Variants in EXOC2 observed in about 807,000 individuals in gnomAD.
The protein encoded by EXOC2 is SEC5-like 1.
A neutral mutation model predicts 131.8 loss-of-function variants in EXOC2; 70 were observed. The ratio of observed to expected loss-of-function variants is 0.53; its 90% confidence interval spans 0.44 to 0.65. EXOC2 has a LOEUF of 0.65. Ranked by LOEUF, EXOC2 falls within the 30% of genes least tolerant of loss-of-function variation. The pLI is 0.00. For missense variants in EXOC2, 923 were observed against 1,108.6 expected, an observed-to-expected ratio of 0.83 and a Z score of 2.38; for synonymous variants, 411 against 398.4, an observed-to-expected ratio of 1.03 and a Z score of -0.38.
intron 6 of EXOC2, 116 bp downstream of exon 6, chr6:617,595 T>G: frequency 9.7e-6 from 13 of 1,336,898 alleles, no homozygotes; most frequent in South Asian, 1.8e-5. Flanking sequence ...ATAGCACATT[T>G]GAGATCTCTA....
intron 20 of EXOC2, among the ~76,000 whole-genome samples, chr6:554,283 G>A (rs1234843329): frequency 2.0e-5 from 3 of 152,060 alleles, no homozygotes; most frequent in East Asian, 1.9e-4. Flanking sequence ...CTCGTGATCC[G>A]CCTGCCTCGG....
chr6:643,352 A>G (rs1257566057), intron 1 of EXOC2, among the ~76,000 whole-genome samples: 1 of 146,252 alleles, frequency 6.8e-6, no homozygotes, highest in Non-Finnish European at 1.5e-5. Flanking sequence ...AGGCAATTCC[A>G]AAGACCGAAA....
intron 25 of EXOC2, among the ~76,000 whole-genome samples, chr6:494,507 G>C (rs1763607319): frequency 6.6e-6 from 1 of 151,498 alleles, no homozygotes; most frequent in East Asian, 1.9e-4. Context: ...TGTGGCATTT[G>C]ATGAGTTTTG....
At chr6:493,666 A>G (rs1190430458) in intron 25 of EXOC2, among the ~76,000 whole-genome samples, 1 of 152,204 alleles carries the variant, frequency 6.6e-6, no homozygotes, top group Non-Finnish European at 1.5e-5. Flanking sequence ...ATTGCCTATC[A>G]AAGGTTAACC....
At chr6:564,435 G>T in intron 15 of EXOC2, 110 bp downstream of exon 15, 1 of 1,448,238 alleles carries the variant, frequency 6.9e-7, no homozygotes, top group Non-Finnish European at 9.4e-7. Context: ...GAGGCAAAAG[G>T]ACAAAAAGAA....
At chr6:619,253 C>A (rs1315166289) in intron 5 of EXOC2, among the ~76,000 whole-genome samples, 177 bp downstream of exon 5, 2 of 152,176 alleles carry the variant, frequency 1.3e-5, no homozygotes, top group African/African-American at 4.8e-5. Context: ...TCCCATTGCA[C>A]AAACAGGGAA....
intron 4 of EXOC2, among the ~76,000 whole-genome samples, chr6:623,176 C>T (rs114564707): frequency 0.015 from 2,239 of 152,310 alleles, 37 homozygotes; most frequent in African/African-American, 0.039. Flanking sequence ...TGGGAGGACA[C>T]GGGTGGCAGA....
rs139087752 is a variant in EXOC2, at chr6:597,975, C to T, written c.1073+46G>A. On this transcript the variant is annotated intron_variant, in intron 10 of 27. Transcript: ENST00000230449. ...TAAGGGTTACAAGATGCATACAGTA[C>T]CAAACAGATACATGTGATTCAACAA... is the stretch of plus-strand genomic sequence containing the variant. 2.8e-6 allele frequency: 4 copies of T among 1,425,060 alleles called. No homozygotes were observed. In the South Asian group the frequency reaches 4.7e-5, roughly 17 times the overall value. The allele number at this position is 1,425,060 out of a possible 1,614,324, so 88.3% of individuals were successfully genotyped here. A position where few individuals can be genotyped will look rare whatever the true frequency, so the allele number is the denominator to read the frequency against.
chr6:608,565 T>G (rs1428248164), intron 7 of EXOC2, among the ~76,000 whole-genome samples: 1 of 152,120 alleles, frequency 6.6e-6, no homozygotes, highest in Non-Finnish European at 1.5e-5. Context: ...AAAAAAAAAT[T>G]CATGGTTATA....
chr6:584,887 A>G (rs1223301490), intron 11 of EXOC2, among the ~76,000 whole-genome samples: 1 of 152,228 alleles, frequency 6.6e-6, no homozygotes, highest in Non-Finnish European at 1.5e-5. Flanking sequence ...TAGCCAGCAT[A>G]TATTTTAACT....
chr6:570,556 C>T (rs846167), intron 13 of EXOC2, among the ~76,000 whole-genome samples: 133,115 of 152,250 alleles, frequency 0.87, 58,458 homozygotes, highest in Middle Eastern at 0.94. Context: ...GAACACCTAC[C>T]ATGTGCCAGG....
intron 1 of EXOC2, among the ~76,000 whole-genome samples, chr6:672,248 T>TA (rs1477819579): frequency 6.6e-6 from 1 of 152,230 alleles, no homozygotes; most frequent in African/African-American, 2.4e-5. Context: ...TCTCTTCTGT[T>TA]AGTGTTATTT....
chr6:532,714 CA>C, intron 22 of EXOC2, 104 bp from the exon 23 acceptor site: 3 of 1,126,212 alleles, frequency 2.7e-6, no homozygotes, highest in Non-Finnish European at 3.5e-6. Flanking sequence ...AAGCACTTCT[CA>C]ATTTTCCTAC....
intron 22 of EXOC2, among the ~76,000 whole-genome samples, chr6:546,563 T>C (rs1430741925): frequency 3.3e-5 from 5 of 152,168 alleles, no homozygotes; most frequent in Non-Finnish European, 4.4e-5. Flanking sequence ...TTCTTCTGCC[T>C]CCGCCACCCC....
intron 23 of EXOC2, 73 bp downstream of exon 23, chr6:532,391 AAAATG>A: frequency 7.5e-7 from 1 of 1,334,268 alleles, no homozygotes; most frequent in South Asian, 2.1e-5. Context: ...AAATGAGAAT[AAAATG>A]AAAAGAATTC....
chr6:556,437 C>A (rs545608414), intron 18 of EXOC2, 47 bp downstream of exon 18: 1 of 1,592,530 alleles, frequency 6.3e-7, no homozygotes, highest in East Asian at 2.2e-5. Context: ...CTATGATTCC[C>A]AAGGCTCCCT....
chr6:635,733 A>T (rs1762068521), intron 2 of EXOC2, among the ~76,000 whole-genome samples: 2 of 152,244 alleles, frequency 1.3e-5, no homozygotes, highest in Non-Finnish European at 2.9e-5. Flanking sequence ...GGCAATATAT[A>T]AGGCAGGTTG....
chr6:641,168 C>A (rs995395476), intron 1 of EXOC2, among the ~76,000 whole-genome samples: 5 of 151,998 alleles, frequency 3.3e-5, no homozygotes, highest in Admixed American at 2.0e-4. Flanking sequence ...TTTTCTCTCA[C>A]ATAATGGGAG....
intron 11 of EXOC2, among the ~76,000 whole-genome samples, chr6:586,279 A>G (rs1168323826): frequency 6.6e-6 from 1 of 152,160 alleles, no homozygotes; most frequent in African/African-American, 2.4e-5. Flanking sequence ...CCGGCTCTGA[A>G]GCTTTACATC....
Sources: gnomAD v4.1 joint callset for allele counts (sites outside exome capture counted in the v4.1 genomes callset) on GRCh38, gnomAD v4.1.1 for gene constraint, MANE v1.5 for transcripts, NCBI Gene and HGNC (gene_info 2026-07-23, HGNC 2026-07-21) for gene names.